The following MAX variants were observed in gnomAD, a reference collection of about 807,000 sequenced individuals.
MAX encodes the protein protein max.
Under a neutral mutation model 22.3 loss-of-function variants are expected in MAX, and 3 were observed. The observed-to-expected ratio is 0.13, with a 90% CI of 0.06 to 0.35. MAX has a LOEUF of 0.35. Among genes scored for constraint, MAX ranks in the 10% least tolerant of loss-of-function variants. The pLI is 1.00. For synonymous variants in MAX, 72 were observed against 77.7 expected, an observed-to-expected ratio of 0.93 and a Z score of 0.39; for missense variants, 119 against 209.4, an observed-to-expected ratio of 0.57 and a Z score of 2.66.
In MAX at chr14:65,014,373, C is replaced by G. The variant is rs1322907599; in HGVS notation, c.172-8089G>C. ...AGTCAGTCTCTTCCACGTGCTCCCT[C>G]AAAACTCTGTTTTCGTCCATTACAG... On this transcript the variant is annotated intron_variant, in intron 3 of 3. Transcript: ENST00000341653. The surrounding 1 kb of genome is among the most constrained non-coding windows in gnomAD (Gnocchi z 5.1). Among the ~76,000 whole-genome samples, 4 of 152,182 alleles carry G rather than the reference C, an allele frequency of 2.6e-5. No individual in the cohort carries two copies. Among genetic ancestry groups the G allele is most frequent in the Non-Finnish European group, 5.9e-5 (4 of 68,034 alleles).
At chr14:65,071,888 C>T (rs192831562), downstream of MAX, among the ~76,000 whole-genome samples, 84 of 152,356 alleles carry the variant, frequency 5.5e-4, no homozygotes, top group Non-Finnish European at 9.6e-4. The surrounding 1 kb of genome is among the most constrained non-coding windows in gnomAD (Gnocchi z 4.2). Context: ...ATAGTTAAGC[C>T]TGGCTTAGCC....
intron 3 of MAX, among the ~76,000 whole-genome samples, chr14:65,013,767 C>T (rs745838349): frequency 6.6e-6 from 1 of 152,156 alleles, no homozygotes; most frequent in Non-Finnish European, 1.5e-5. Context: ...AGGCTGGTCT[C>T]GAGCTCCTGA....
At chr14:65,051,978 G>A (rs2062625415) in intron 3 of MAX, among the ~76,000 whole-genome samples, 1 of 151,830 alleles carries the variant, frequency 6.6e-6, no homozygotes, top group Admixed American at 6.6e-5. Flanking sequence ...TGTATTTTTA[G>A]TAGAGACAGG....
chr14:65,055,237 G>C (rs2062706224), intron 3 of MAX, among the ~76,000 whole-genome samples: 1 of 152,218 alleles, frequency 6.6e-6, no homozygotes, highest in Admixed American at 6.5e-5. Context: ...AGCCCTATGA[G>C]GGCAGGATGC....
Position 65,023,478 on chromosome 14 carries a change from A to G in MAX, c.172-17194T>C, listed in dbSNP as rs530897411. 9.3e-4 allele frequency among the ~76,000 whole-genome samples: 142 copies of G among 152,344 alleles called. 8 individuals carry two copies. The South Asian group carries it at 0.024, about 26-fold the overall frequency. On this transcript the variant is annotated intron_variant, in intron 3 of 3. Transcript: ENST00000341653. This position sits in a 1 kb window ranked among gnomAD's most constrained non-coding sequence, Gnocchi z 4.1. Reference sequence around the variant, plus strand: ...AACTTGACCCTCTTACAAGATTTACATACTCTTTAATGATGGAATGATAAA... The same window carrying G: ...AACTTGACCCTCTTACAAGATTTACGTACTCTTTAATGATGGAATGATAAA...
At chr14:65,073,877 T>C (rs1393779348), downstream of MAX, among the ~76,000 whole-genome samples, 6 of 152,180 alleles carry the variant, frequency 3.9e-5, no homozygotes, top group Non-Finnish European at 7.4e-5. Context: ...TGGATTTTCC[T>C]AGGTGAACCA....
intron 3 of MAX, chr14:65,053,475 A>G: frequency 1.2e-6 from 1 of 825,640 alleles, no homozygotes. Context: ...GCATAGCGCT[A>G]GGTTGTATGG....
downstream of MAX, chr14:65,074,997 TG>T: frequency 1.1e-6 from 1 of 914,220 alleles, no homozygotes; most frequent in Non-Finnish European, 1.3e-6. Flanking sequence ...TGGCTGCTCC[TG>T]GTTCTGCAAG....
chr14:65,061,152 T>C lies in MAX; in HGVS notation c.171+32556A>G, dbSNP rs751020064. ...ATGTTTTCAAGGACCACCGGGGTGATTAACTGGCACCTTTTCTTCTCTTTG... is the reference window on the plus strand; with the variant it reads ...ATGTTTTCAAGGACCACCGGGGTGACTAACTGGCACCTTTTCTTCTCTTTG... On this transcript the variant is annotated intron_variant, in intron 3 of 3. Coordinates refer to the MAX transcript ENST00000341653. 2.5e-6 allele frequency: 4 copies of C among 1,612,926 alleles called. No homozygotes were observed. In the South Asian group the frequency reaches 4.4e-5, roughly 18 times the overall value.
chr14:65,037,741 ATTATTTATTTATTTATTTATTTATTTAT>A (rs201126999), intron 3 of MAX, among the ~76,000 whole-genome samples: 3 of 132,718 alleles, frequency 2.3e-5, no homozygotes, highest in African/African-American at 8.7e-5. Flanking sequence ...TTATTTATTT[ATTATTTATTTATTTATTTATTTATTTAT>A]TTATTTATTT....
chr14:65,102,611 G>T, upstream of MAX: 3 of 1,360,924 alleles, frequency 2.2e-6, no homozygotes, highest in Non-Finnish European at 2.8e-6. Flanking sequence ...TGTAGTTCTT[G>T]TCCCTCTAAC....
At position 65,078,147 on chromosome 14, in the gene MAX, T is replaced by C; in HGVS notation, c.172-111A>G. 1 of 1,160,408 alleles carries C rather than the reference T, an allele frequency of 8.6e-7. No homozygotes were observed. Among genetic ancestry groups the C allele is most frequent in the South Asian group, 1.3e-5 (1 of 79,948 alleles). The allele number at this position is 1,160,408 out of a possible 1,614,324, so 71.9% of individuals were successfully genotyped here. On this transcript the variant is annotated intron_variant, in intron 3 of 4. Coordinates refer to ENST00000358664, the MANE Select transcript of MAX (RefSeq NM_002382.5). This position sits in a 1 kb window ranked among gnomAD's most constrained non-coding sequence, Gnocchi z 6.4. Reference sequence around the variant, plus strand: ...GGTGGCTGGAAACGAGAGGGTAAGGTGGGAAAAGGCTGAAGAAATACAATA... The same window carrying C: ...GGTGGCTGGAAACGAGAGGGTAAGGCGGGAAAAGGCTGAAGAAATACAATA...
At position 65,031,172 on chromosome 14, in the gene MAX, A is replaced by G. The variant is rs1265708920; in HGVS notation, c.172-24888T>C. Reference sequence around the variant, plus strand: ...TTGTCTTCCCTGTGCCGGGTATTTGAAAAAACCATAGAGGGGAAGGAAAGG... The same window carrying G: ...TTGTCTTCCCTGTGCCGGGTATTTGGAAAAACCATAGAGGGGAAGGAAAGG... On this transcript the variant is annotated intron_variant, in intron 3 of 3. Coordinates refer to the MAX transcript ENST00000341653. This position sits in a 1 kb window ranked among gnomAD's most constrained non-coding sequence, Gnocchi z 4.6. Among the ~76,000 whole-genome samples the G allele has an allele frequency of 1.3e-5, 2 of 152,078 alleles. No homozygotes were observed. Among genetic ancestry groups the G allele is most frequent in the African/African-American group, 4.8e-5 (2 of 41,406 alleles).
rs746728570 is a variant in MAX, at chr14:65,093,726, T to C, written c.153A>G (p.Pro51=). ...AACTCACCTTCTCTCCTTGGAGTGATGGGACTGAGTCCCGCAAACTGTGAA... is the reference window on the plus strand; with the variant it reads ...AACTCACCTTCTCTCCTTGGAGTGACGGGACTGAGTCCCGCAAACTGTGAA... ...DSFHSLRDSV[P]SLQGEKASRA... The change falls in exon 3 of 5, where the codon CCA becomes CCG. Residue 51 remains proline (P), a synonymous_variant. Transcript: ENST00000358664. This position sits in a 1 kb window ranked among gnomAD's most constrained non-coding sequence, Gnocchi z 4.4. 2.5e-6 allele frequency: 4 copies of C among 1,602,606 alleles called. No individual in the cohort carries two copies. Among genetic ancestry groups the C allele is most frequent in the Non-Finnish European group, 3.4e-6 (4 of 1,169,500 alleles).
rs565577617 is a variant in MAX, at chr14:65,075,687, T to C, written c.*789A>G. On this transcript the variant is annotated 3_prime_UTR_variant, in exon 5 of 5. Transcript: ENST00000358664. The surrounding 1 kb of genome is among the most constrained non-coding windows in gnomAD (Gnocchi z 4.1). ...ACTGGCCCTCAATACAAAACCTCTA[T>C]GCCACCCAAAACACCCTCCCTGTCC... The C allele has an allele frequency of 9.4e-7, 1 of 1,066,476 alleles. No individual in the cohort carries two copies. The highest frequency in any genetic ancestry group is 1.1e-6 in the Non-Finnish European group (1 of 879,806). 66.1% of individuals were successfully genotyped at this position (1,066,476 alleles called of 1,614,324 possible).
intron 3 of MAX, among the ~76,000 whole-genome samples, chr14:65,055,644 G>A (rs1212960363): frequency 1.3e-5 from 2 of 152,026 alleles, no homozygotes; most frequent in African/African-American, 2.4e-5. Flanking sequence ...AGCCTCCTGA[G>A]TAGCTGGGAT....
chr14:65,078,060 CAG>C lies in MAX; in HGVS notation c.172-26_172-25del. 1 of 1,614,076 alleles carries C rather than the reference CAG, an allele frequency of 6.2e-7. No individual in the cohort carries two copies. On this transcript the variant is annotated intron_variant, in intron 3 of 4. Transcript: ENST00000358664. This position sits in a 1 kb window ranked among gnomAD's most constrained non-coding sequence, Gnocchi z 6.4. ...GCCTGTGGCAATATGAGAAAAAGCA[CAG>C]GGGACAAAATAAAAACCCAATCCAG... is the stretch of plus-strand genomic sequence containing the variant.
intron 3 of MAX, among the ~76,000 whole-genome samples, chr14:65,063,710 G>GC (rs1241458543): frequency 6.6e-6 from 1 of 152,134 alleles, no homozygotes; most frequent in Non-Finnish European, 1.5e-5. Context: ...GACCACAGGT[G>GC]CACACCACCA....
chr14:65,035,677 G>A (rs761904568), intron 3 of MAX, among the ~76,000 whole-genome samples: 6 of 151,736 alleles, frequency 4.0e-5, no homozygotes, highest in East Asian at 1.9e-4. Flanking sequence ...CAACAAGCGC[G>A]TGCCACCATA....
Sources: gnomAD v4.1 joint callset for allele counts (sites outside exome capture counted in the v4.1 genomes callset) on GRCh38, gnomAD v4.1.1 for gene constraint, Gnocchi (gnomAD v3.1) non-coding constraint, MANE v1.5 for transcripts, NCBI Gene and HGNC (gene_info 2026-07-23, HGNC 2026-07-21) for gene names.